Variants in PGBD2 observed in about 807,000 individuals in gnomAD.
The protein encoded by PGBD2 is piggyBac transposable element derived 2, also known as piggyBac transposable element-derived protein 2.
Under a neutral mutation model 8.1 loss-of-function variants are expected in PGBD2, and 6 were observed. The ratio of observed to expected loss-of-function variants is 0.74; its 90% CI spans 0.40 to 1.46. PGBD2 has a LOEUF of 1.46. Among genes scored for constraint, PGBD2 ranks in the 40% most tolerant of loss-of-function variants. The probability of loss-of-function intolerance (pLI) is 0.02; values close to 1 mark genes in which losing one functional copy is unlikely to be tolerated. For missense variants in PGBD2, 802 were observed against 739.0 expected, an observed-to-expected ratio of 1.09 and a Z score of -0.99; for synonymous variants, 318 against 272.2, an observed-to-expected ratio of 1.17 and a Z score of -1.66.
chr1:248,908,590 G>C (rs111526891), intron 1 of PGBD2, among the ~76,000 whole-genome samples: 1 of 151,886 alleles, frequency 6.6e-6, no homozygotes, highest in African/African-American at 2.4e-5. Context: ...CCATCTCCCT[G>C]CATCTATGTT....
chr1:248,913,981 CAG>C (rs1662003869), intron 2 of PGBD2, 102 bp downstream of exon 2: 1 of 966,288 alleles, frequency 1.0e-6, no homozygotes. Context: ...CTCAGTATAA[CAG>C]TTGGTGTCCA....
downstream of PGBD2, among the ~76,000 whole-genome samples, chr1:248,922,668 G>A (rs1346639519): frequency 6.6e-6 from 1 of 152,094 alleles, no homozygotes; most frequent in Admixed American, 6.5e-5. Context: ...TAGCATGAAG[G>A]GCTGTTGAAT....
the PGBD2 span, among the ~76,000 whole-genome samples, chr1:248,881,393 A>C: frequency 1.4e-4 from 22 of 152,306 alleles, no homozygotes; most frequent in African/African-American, 5.1e-4. Flanking sequence ...TGATTGGTCT[A>C]TGTGTGATGA....
the PGBD2 span, among the ~76,000 whole-genome samples, chr1:248,897,316 G>A: frequency 7.1e-5 from 10 of 140,930 alleles, no homozygotes; most frequent in East Asian, 2.1e-4. Context: ...GTGAGGTCCC[G>A]TGCCAGCCGA....
intron 1 of PGBD2, among the ~76,000 whole-genome samples, chr1:248,912,517 A>G (rs1661931708): frequency 6.6e-6 from 1 of 152,194 alleles, no homozygotes; most frequent in Admixed American, 6.5e-5. Flanking sequence ...AAAATGCTTA[A>G]AACAGTACTC....
the PGBD2 span, among the ~76,000 whole-genome samples, chr1:248,887,212 G>A: frequency 6.6e-6 from 1 of 152,060 alleles, no homozygotes; most frequent in Non-Finnish European, 1.5e-5. Context: ...CTGATACAAC[G>A]CAATTGACTA....
At position 248,918,408 on chromosome 1, in the gene PGBD2, T is replaced by A; in HGVS notation, c.*45T>A. On this transcript the variant is annotated 3_prime_UTR_variant, in exon 3 of 3. Coordinates refer to ENST00000329291, the MANE Select transcript of PGBD2 (RefSeq NM_170725.3). ...TTGGTTTATAATGAGATGTTTACAG[T>A]TAAATACAGATGGCAGTTGAGCACT... 1.3e-6 allele frequency: 2 copies of A among 1,501,358 alleles called. No individual in the cohort carries two copies. Among genetic ancestry groups the A allele is most frequent in the South Asian group, 2.7e-5 (2 of 74,030 alleles). 93.0% of individuals were successfully genotyped at this position (1,501,358 alleles called of 1,614,324 possible).
the PGBD2 span, among the ~76,000 whole-genome samples, chr1:248,891,115 A>G: frequency 0.035 from 5,282 of 152,324 alleles, 303 homozygotes; most frequent in African/African-American, 0.12. Context: ...CATAACTGAA[A>G]AAAAGTTATG....
In PGBD2 at chr1:248,917,985, T is replaced by C; in HGVS notation, c.1401T>C (p.Asp467=). ...AGGTGGGTGGCGTTGGTAGGATGGA[T>C]CAGAATATTGCCAAGTACAAGGTGA... ...QEKVGGVGRM[D]QNIAKYKVKI... Residue 467 remains aspartate, a synonymous_variant, in exon 3 of 3, where the codon GAT becomes GAC. Transcript: ENST00000329291. 6.2e-7 allele frequency: 1 copy of C among 1,614,092 alleles called. No homozygotes were observed. Among genetic ancestry groups the C allele is most frequent in the Non-Finnish European group, 8.5e-7 (1 of 1,180,022 alleles).
chr1:248,898,692 T>C, the PGBD2 span, among the ~76,000 whole-genome samples: 1 of 151,984 alleles, frequency 6.6e-6, no homozygotes, highest in Admixed American at 6.6e-5. Context: ...ATGAAGCAAC[T>C]ACATAAACAA....
chr1:248,902,631 TGTG>T (rs929795652), upstream of PGBD2, among the ~76,000 whole-genome samples: 2 of 152,074 alleles, frequency 1.3e-5, no homozygotes, highest in African/African-American at 4.8e-5. Context: ...ATAAAGAAAA[TGTG>T]GTACATATAC....
the PGBD2 span, among the ~76,000 whole-genome samples, chr1:248,874,209 T>G: frequency 6.6e-6 from 1 of 152,242 alleles, no homozygotes; most frequent in South Asian, 2.1e-4. Context: ...ACAGGATATT[T>G]ATTTAGTATA....
At chr1:248,929,267 C>T in the PGBD2 span, among the ~76,000 whole-genome samples, 8 of 152,040 alleles carry the variant, frequency 5.3e-5, no homozygotes, top group East Asian at 1.2e-3. Flanking sequence ...TGTAGGGAAT[C>T]GTTCTGCCAT....
At chr1:248,920,750 G>A (rs1662267736), downstream of PGBD2, among the ~76,000 whole-genome samples, 1 of 152,108 alleles carries the variant, frequency 6.6e-6, no homozygotes, top group Admixed American at 6.6e-5. Context: ...ACTAATTTAC[G>A]GTCCCACTAA....
chr1:248,903,994 T>G (rs80230835), upstream of PGBD2, among the ~76,000 whole-genome samples: 1,900 of 152,266 alleles, frequency 0.012, 44 homozygotes, highest in African/African-American at 0.042. Context: ...CACAAAGACA[T>G]GTACAGGTGA....
rs367782340 is a variant in PGBD2, at chr1:248,917,884, A to G, written c.1300A>G (p.Thr434Ala). 2.2e-5 allele frequency: 36 copies of G among 1,614,116 alleles called. No homozygotes were observed. The highest frequency in any genetic ancestry group is 3.1e-5 in the Non-Finnish European group (36 of 1,180,042). ...NAVGIEPVRL[T>A]SRHSGAAKTR... ...TGTGGGCATAGAGCCAGTGAGGCTGACCAGTCGTCACTCTGGAGCAGCTAA... is the reference window on the plus strand; with the variant it reads ...TGTGGGCATAGAGCCAGTGAGGCTGGCCAGTCGTCACTCTGGAGCAGCTAA... The change falls in exon 3 of 3, where the codon ACC becomes GCC. Residue 434 changes from threonine to alanine, a missense_variant. Physicochemically the swap from Thr to Ala is moderately conservative, Grantham distance 58. Coordinates refer to ENST00000329291, the MANE Select transcript of PGBD2 (RefSeq NM_170725.3).
intron 1 of PGBD2, among the ~76,000 whole-genome samples, chr1:248,907,873 A>G (rs960028590): frequency 1.3e-5 from 2 of 152,212 alleles, no homozygotes; most frequent in African/African-American, 4.8e-5. Context: ...CTACATAGAC[A>G]CAGTAGCAGT....
the PGBD2 span, among the ~76,000 whole-genome samples, chr1:248,927,547 G>A: frequency 6.6e-6 from 1 of 152,174 alleles, no homozygotes; most frequent in African/African-American, 2.4e-5. Flanking sequence ...CAATGACTCA[G>A]CTCTTCCATT....
chr1:248,918,403 T>G lies in PGBD2; in HGVS notation c.*40T>G. On this transcript the variant is annotated 3_prime_UTR_variant, in exon 3 of 3. Coordinates refer to ENST00000329291, the MANE Select transcript of PGBD2 (RefSeq NM_170725.3). Reference sequence around the variant, plus strand: ...CTTCTTTGGTTTATAATGAGATGTTTACAGTTAAATACAGATGGCAGTTGA... The same window carrying G: ...CTTCTTTGGTTTATAATGAGATGTTGACAGTTAAATACAGATGGCAGTTGA... 6.7e-7 allele frequency: 1 copy of G among 1,500,446 alleles called. No individual in the cohort carries two copies. The highest frequency in any genetic ancestry group is 8.9e-7 in the Non-Finnish European group (1 of 1,121,212). The allele number at this position is 1,500,446 out of a possible 1,614,324, so 92.9% of individuals were successfully genotyped here.
Sources: allele counts gnomAD v4.1 joint callset (sites outside exome capture counted in the v4.1 genomes callset), GRCh38; gene constraint gnomAD v4.1.1; transcripts MANE v1.5; gene names NCBI Gene and HGNC (gene_info 2026-07-23, HGNC 2026-07-21).